The following STRA6 variants were observed in gnomAD, a reference collection of about 807,000 sequenced individuals.
STRA6 encodes signaling receptor and transporter of retinol STRA6.
A neutral mutation model predicts 83.6 loss-of-function variants in STRA6; 48 were observed. The ratio of observed to expected loss-of-function variants is 0.57; its 90% CI spans 0.46 to 0.73. STRA6 has a LOEUF of 0.73. Ranked by LOEUF, STRA6 falls within the 30% of genes least tolerant of loss-of-function variation. STRA6 has a pLI of 0.00. For missense variants in STRA6, 760 were observed against 838.8 expected (o/e 0.91, Z 1.16); for synonymous variants, 353 against 362.3 (o/e 0.97, Z 0.29).
upstream of STRA6, among the ~76,000 whole-genome samples, chr15:74,204,739 G>A (rs1312775736): frequency 6.6e-6 from 1 of 152,154 alleles, no homozygotes; most frequent in Non-Finnish European, 1.5e-5. Context: ...TAGAGACCCA[G>A]CCTGGCCAAC....
upstream of STRA6, chr15:74,209,210 G>A: frequency 6.6e-6 from 7 of 1,054,140 alleles, no homozygotes; most frequent in Middle Eastern, 2.1e-4. Context: ...GTCTCCAGCG[G>A]TATAGCCTCT....
chr15:74,195,109 C>G, intron 7 of STRA6, 193 bp downstream of exon 7: 1 of 1,479,036 alleles, frequency 6.8e-7, no homozygotes, highest in Non-Finnish European at 9.0e-7. Context: ...CTGGGCCCAG[C>G]CACCTTGTTC....
At chr15:74,207,616 G>T (rs998508426), upstream of STRA6, 1 of 1,336,468 alleles carries the variant, frequency 7.5e-7, no homozygotes, top group Non-Finnish European at 1.0e-6. Context: ...CAAACCTCAG[G>T]TACACCCCCA....
In STRA6 at chr15:74,181,416, A is replaced by G. The variant is rs1322564581; in HGVS notation, c.1563T>C (p.Asn521=). 6.2e-7 allele frequency: 1 copy of G among 1,613,226 alleles called. No individual in the cohort carries two copies. Among genetic ancestry groups the G allele is most frequent in the African/African-American group, 1.3e-5 (1 of 74,788 alleles). The change falls in exon 17 of 19, where the codon AAT becomes AAC. Residue 521 remains asparagine (N), a synonymous_variant. Coordinates refer to ENST00000395105, the MANE Select transcript of STRA6 (RefSeq NM_022369.4). ...TGGCCACCATGGCACCCACCAGCAC[A>G]TTGAGGGGGAAGAGAAGAAAGGTGG... The part of the protein sequence containing the change: ...YAATFLLFPL[N]VLVGAMVATW...
At chr15:74,208,800 C>CT in exon 1 of STRA6, 1 of 988,996 alleles carries the variant, frequency 1.0e-6, no homozygotes, top group Non-Finnish European at 1.2e-6. Flanking sequence ...TCCAGCCTAC[C>CT]TCCAATCAAG....
upstream of STRA6, among the ~76,000 whole-genome samples, chr15:74,211,377 C>G (rs992423565): frequency 1.3e-4 from 19 of 145,150 alleles, no homozygotes; most frequent in Admixed American, 2.0e-4. Flanking sequence ...GTCTCTCTGT[C>G]AATATCTGCC....
chr15:74,210,775 T>G (rs2142123133), upstream of STRA6, among the ~76,000 whole-genome samples: 1 of 152,280 alleles, frequency 6.6e-6, no homozygotes, highest in African/African-American at 2.4e-5. Context: ...GCCCTTAGAC[T>G]AGGTATTGGC....
At chr15:74,197,237 G>T in intron 4 of STRA6, 101 bp downstream of exon 4, 1 of 841,084 alleles carries the variant, frequency 1.2e-6, no homozygotes, top group African/African-American at 1.7e-5. Flanking sequence ...TGTCATTAAA[G>T]CCAGAGCTGC....
At chr15:74,196,219 T>C in intron 4 of STRA6, 72 bp from the exon 5 acceptor site, 1 of 1,591,478 alleles carries the variant, frequency 6.3e-7, no homozygotes, top group Non-Finnish European at 8.5e-7. Flanking sequence ...CCCAGCTGTA[T>C]TCCATAAATC....
chr15:74,206,234 C>A (rs970994370), upstream of STRA6, among the ~76,000 whole-genome samples: 2 of 152,198 alleles, frequency 1.3e-5, no homozygotes, highest in Non-Finnish European at 1.5e-5. Context: ...CCCCAGCTGC[C>A]CTGCCCAGTC....
In STRA6 at chr15:74,180,036, C is replaced by G; in HGVS notation, c.*44G>C. 1 of 1,595,192 alleles carries G rather than the reference C, an allele frequency of 6.3e-7. No individual in the cohort carries two copies. The highest frequency in any genetic ancestry group is 1.1e-5 in the South Asian group (1 of 90,468). ...GAGGGAGGAGGATGGTAGGCAGGAACATGCCTCAGCACAGATGGGCAGGTG... is the reference window on the plus strand; with the variant it reads ...GAGGGAGGAGGATGGTAGGCAGGAAGATGCCTCAGCACAGATGGGCAGGTG... On this transcript the variant is annotated 3_prime_UTR_variant, in exon 19 of 19. Coordinates refer to ENST00000395105, the MANE Select transcript of STRA6 (RefSeq NM_022369.4).
intron 17 of STRA6, 60 bp from the exon 18 acceptor site, chr15:74,180,997 G>A: frequency 6.2e-7 from 1 of 1,603,628 alleles, no homozygotes; most frequent in Non-Finnish European, 8.5e-7. Flanking sequence ...GAGGCATCCA[G>A]ACATCCCCTA....
At chr15:74,207,970 G>A in intron 1 of STRA6, 11 of 1,429,836 alleles carry the variant, frequency 7.7e-6, no homozygotes, top group Non-Finnish European at 9.2e-6. Context: ...TACCTCCCCT[G>A]CCATGTGGGA....
upstream of STRA6, chr15:74,207,750 C>T (rs540907096): frequency 8.5e-6 from 13 of 1,535,612 alleles, no homozygotes; most frequent in Non-Finnish European, 1.1e-5. Context: ...AGAGAGTCAA[C>T]CTCATGCGGG....
intron 11 of STRA6, among the ~76,000 whole-genome samples, chr15:74,189,666 CTT>C (rs565194026): frequency 3.6e-4 from 50 of 140,422 alleles, no homozygotes; most frequent in African/African-American, 6.5e-4. Context: ...ACAACTTCTT[CTT>C]TTTTTTTTTT....
At chr15:74,208,018 T>G in intron 1 of STRA6, 1 of 1,380,890 alleles carries the variant, frequency 7.2e-7, no homozygotes, top group African/African-American at 1.5e-5. Flanking sequence ...TTCCTGCAAT[T>G]CTCATGCCCC....
At chr15:74,180,351 T>G in intron 18 of STRA6, 108 bp from the exon 19 acceptor site, 1 of 1,422,698 alleles carries the variant, frequency 7.0e-7, no homozygotes, top group South Asian at 1.2e-5. Context: ...GTGCAGGTCG[T>G]GAGGCTTAGG....
chr15:74,198,860 A>G (rs1298836279), intron 2 of STRA6, among the ~76,000 whole-genome samples: 2 of 152,186 alleles, frequency 1.3e-5, no homozygotes, highest in Non-Finnish European at 2.9e-5. Flanking sequence ...GTAAACCCAC[A>G]GTGGAGATAG....
At chr15:74,180,394 G>T (rs2072916760) in intron 18 of STRA6, 151 bp from the exon 19 acceptor site, 1 of 1,007,346 alleles carries the variant, frequency 9.9e-7, no homozygotes, top group Non-Finnish European at 1.5e-6. Context: ...GGAAGTGGGG[G>T]GTGAGGTCTG....
Sources: allele counts gnomAD v4.1 joint callset (sites outside exome capture counted in the v4.1 genomes callset), GRCh38; gene constraint gnomAD v4.1.1; transcripts MANE v1.5; gene names NCBI Gene and HGNC (gene_info 2026-07-23, HGNC 2026-07-21).